The following COL5A1 variants were observed in gnomAD, a reference collection of about 807,000 sequenced individuals.
COL5A1 encodes the protein collagen alpha-1(V) chain.
Under a neutral mutation model 263.7 loss-of-function variants are expected in COL5A1, and 16 were observed. The ratio of observed to expected loss-of-function variants is 0.06; its 90% CI spans 0.04 to 0.09. The LOEUF (loss-of-function observed/expected upper bound fraction) is 0.09. COL5A1 is among the 10% of genes least tolerant of loss of function. COL5A1 has a pLI of 1.00. For synonymous variants in COL5A1, 1,012 were observed against 1,004.5 expected (o/e 1.01, Z -0.14); for missense variants, 2,036 against 2,540.5 (o/e 0.80, Z 4.27).
intron 31 of COL5A1, 55 bp downstream of exon 31, chr9:134,786,103 G>T: frequency 6.7e-7 from 1 of 1,483,054 alleles, no homozygotes. Context: ...GTTCTGCCCG[G>T]TCTCCCCACC....
chr9:134,650,415 G>C (rs1346362042), intron 1 of COL5A1, among the ~76,000 whole-genome samples: 2 of 152,234 alleles, frequency 1.3e-5, no homozygotes, highest in Admixed American at 6.5e-5. Flanking sequence ...AAAGACATTG[G>C]GTGTGTCAGC....
chr9:134,727,929 C>T (rs1456646823), intron 5 of COL5A1, among the ~76,000 whole-genome samples: 2 of 152,228 alleles, frequency 1.3e-5, no homozygotes, highest in Admixed American at 6.5e-5. Context: ...TGCACACCCT[C>T]GCGGCACTGC....
intron 11 of COL5A1, among the ~76,000 whole-genome samples, chr9:134,744,598 C>T (rs1051307905): frequency 1.3e-5 from 2 of 151,740 alleles, no homozygotes; most frequent in African/African-American, 4.8e-5. Context: ...CACATGCACA[C>T]TCACCCACAC....
intron 38 of COL5A1, 112 bp from the exon 39 acceptor site, chr9:134,802,762 AGGTTTGGTGTGCCC>A: frequency 1.3e-6 from 1 of 743,724 alleles, no homozygotes; most frequent in Non-Finnish European, 2.4e-6. Flanking sequence ...AGGCACTTGG[AGGTTTGGTGTGCCC>A]GCAGCAGACC....
At chr9:134,684,333 G>A (rs370946122) in intron 1 of COL5A1, among the ~76,000 whole-genome samples, 2 of 151,726 alleles carry the variant, frequency 1.3e-5, no homozygotes, top group African/African-American at 4.9e-5. Context: ...CCCAGGTCTC[G>A]GGGGGAAACA....
At chr9:134,738,374 GCC>G in intron 9 of COL5A1, 98 bp from the exon 10 acceptor site, 1 of 1,339,298 alleles carries the variant, frequency 7.5e-7, no homozygotes, top group Non-Finnish European at 1.1e-6. Flanking sequence ...CTGAGCCAGG[GCC>G]TCTTGTGCAT....
rs1406127942 is a variant in COL5A1 at position 134,747,975 on chromosome 9, A to ACACACACATGCATT, written c.1495-2558_1495-2545dup. ...TGCAGACACATGCACACATGCATTC[A>ACACACACATGCATT]CACACACATGCATTCACACACACAT... On this transcript the variant is annotated intron_variant, in intron 11 of 65. Transcript: ENST00000371817. Among the ~76,000 whole-genome samples, 203 of 149,938 alleles carry ACACACACATGCATT rather than the reference A, an allele frequency of 1.4e-3. 2 individuals carry two copies. Among genetic ancestry groups the ACACACACATGCATT allele is most frequent in the Non-Finnish European group, 2.1e-3 (141 of 67,276 alleles).
At chr9:134,738,369 C>T (rs946762877) in intron 9 of COL5A1, 105 bp from the exon 10 acceptor site, 2 of 1,295,014 alleles carry the variant, frequency 1.5e-6, no homozygotes, top group Non-Finnish European at 2.2e-6. Context: ...AGGAGCTGAG[C>T]CAGGGCCTCT....
rs1013351566 is a variant in COL5A1 at position 134,682,085 on chromosome 9, C to T, written c.110-8827C>T. Among the ~76,000 whole-genome samples, 8 of 152,208 alleles carry T rather than the reference C, an allele frequency of 5.3e-5. No homozygotes were observed. Among genetic ancestry groups the T allele is most frequent in the African/African-American group, 1.2e-4 (5 of 41,466 alleles). ...TGCAGGCCACAGACATTTGGCAGGA[C>T]GTGGCCTGGGCTCAGTGTCTGGGAC... On this transcript the variant is annotated intron_variant, in intron 1 of 65. Transcript: ENST00000371817. The surrounding 1 kb of genome is among the most constrained non-coding windows in gnomAD (Gnocchi z 5.1).
At chr9:134,646,516 G>A (rs564737536) in intron 1 of COL5A1, among the ~76,000 whole-genome samples, 1 of 152,358 alleles carries the variant, frequency 6.6e-6, no homozygotes, top group Admixed American at 6.5e-5. Flanking sequence ...CCCTTGGCTG[G>A]AAAGCCCCTC....
At chr9:134,811,958 G>T (rs138780041) in intron 46 of COL5A1, among the ~76,000 whole-genome samples, 1 of 152,184 alleles carries the variant, frequency 6.6e-6, no homozygotes. Context: ...GCACAGAGGC[G>T]CATATGTAAT....
intron 25 of COL5A1, among the ~76,000 whole-genome samples, chr9:134,771,827 C>G (rs747528944): frequency 6.6e-6 from 1 of 152,200 alleles, no homozygotes. Flanking sequence ...TTCTCATCAC[C>G]CTGCCCAGCC....
rs958013128 is a variant in COL5A1 at position 134,755,220 on chromosome 9, G to A, written c.1827+894G>A. ...ATTAGCAGCTCTGGAATCGACTCTTGGTAGACAATTGGGCCATTTATTTGG... is the reference window on the plus strand; with the variant it reads ...ATTAGCAGCTCTGGAATCGACTCTTAGTAGACAATTGGGCCATTTATTTGG... On this transcript the variant is annotated intron_variant, in intron 16 of 65. Coordinates refer to ENST00000371817, the MANE Select transcript of COL5A1 (RefSeq NM_000093.5). This position sits in a 1 kb window ranked among gnomAD's most constrained non-coding sequence, Gnocchi z 4.1. Among the ~76,000 whole-genome samples the A allele has an allele frequency of 6.6e-6, 1 of 152,126 alleles. No homozygotes were observed. Among genetic ancestry groups the A allele is most frequent in the African/African-American group, 2.4e-5 (1 of 41,416 alleles).
chr9:134,729,454 CGAGT>C (rs1219352561), intron 6 of COL5A1, among the ~76,000 whole-genome samples: 1 of 151,342 alleles, frequency 6.6e-6, no homozygotes, highest in Admixed American at 6.6e-5. Context: ...TGTGCATGAA[CGAGT>C]GTGTGTGAGC....
At chr9:134,704,863 T>C (rs1204215531) in intron 4 of COL5A1, among the ~76,000 whole-genome samples, 1 of 152,102 alleles carries the variant, frequency 6.6e-6, no homozygotes, top group Non-Finnish European at 1.5e-5. Flanking sequence ...CAGCCACCTT[T>C]TGTCTCATTG....
At chr9:134,815,862 T>TG in intron 51 of COL5A1, 73 bp from the exon 52 acceptor site, 3 of 1,557,828 alleles carry the variant, frequency 1.9e-6, no homozygotes, top group Non-Finnish European at 1.8e-6. Flanking sequence ...GGGCTGGAGA[T>TG]GCATTGGGAA....
chr9:134,733,725 G>A (rs1235406749), intron 9 of COL5A1, among the ~76,000 whole-genome samples: 1 of 152,234 alleles, frequency 6.6e-6, no homozygotes, highest in African/African-American at 2.4e-5. Flanking sequence ...GGGGCTGCGG[G>A]CCTGTTCTGC....
chr9:134,674,745 G>T (rs1014648601), intron 1 of COL5A1, among the ~76,000 whole-genome samples: 2 of 152,148 alleles, frequency 1.3e-5, no homozygotes, highest in African/African-American at 4.8e-5. Flanking sequence ...AGTTAGCTGG[G>T]TATAGTGGCG....
chr9:134,833,712 C>T (rs976934121), intron 64 of COL5A1, among the ~76,000 whole-genome samples: 5 of 152,236 alleles, frequency 3.3e-5, no homozygotes, highest in East Asian at 3.8e-4. Flanking sequence ...ACAGCTGGCC[C>T]GCTCACTCCC....
Sources: allele counts gnomAD v4.1 joint callset (sites outside exome capture counted in the v4.1 genomes callset), GRCh38; gene constraint gnomAD v4.1.1; non-coding constraint Gnocchi (gnomAD v3.1); transcripts MANE v1.5; gene names NCBI Gene and HGNC (gene_info 2026-07-23, HGNC 2026-07-21).